The following AKAP13 variants were observed in gnomAD, a reference collection of about 807,000 sequenced individuals.
AKAP13 encodes A-kinase anchoring protein 13.
AKAP13 carries 80 observed loss-of-function variants against 264.5 expected under a neutral mutation model. The observed-to-expected ratio is 0.30, with a 90% CI of 0.25 to 0.36. AKAP13 has a LOEUF of 0.36. Ranked by LOEUF, AKAP13 falls within the 10% of genes least tolerant of loss-of-function variation. The pLI, the probability that AKAP13 is intolerant of heterozygous loss-of-function variation, is 1.00. For missense variants in AKAP13, 3,712 were observed against 3,435.2 expected, an observed-to-expected ratio of 1.08 and a Z score of -2.01; for synonymous variants, 1,380 against 1,250.2, an observed-to-expected ratio of 1.10 and a Z score of -2.19.
chr15:85,586,940 AT>A (rs1465814848), intron 8 of AKAP13, among the ~76,000 whole-genome samples: 69 of 23,714 alleles, frequency 2.9e-3, no homozygotes, highest in African/African-American at 8.7e-3. Context: ...AAAAAAAAAA[AT>A]AAGAGAATAA....
At chr15:85,484,436 G>A (rs569711174) in intron 1 of AKAP13, among the ~76,000 whole-genome samples, 8 of 152,114 alleles carry the variant, frequency 5.3e-5, no homozygotes, top group East Asian at 1.9e-4. Flanking sequence ...CTGTTATAGC[G>A]CATGGGGTGG....
intron 1 of AKAP13, among the ~76,000 whole-genome samples, chr15:85,463,894 A>C (rs546518892): frequency 1.7e-3 from 257 of 152,016 alleles, no homozygotes; most frequent in African/African-American, 5.8e-3. Context: ...GCCTTGATTG[A>C]AATTTGGAAG....
intron 1 of AKAP13, among the ~76,000 whole-genome samples, chr15:85,429,094 T>G (rs898789058): frequency 6.6e-6 from 1 of 152,234 alleles, no homozygotes; most frequent in Non-Finnish European, 1.5e-5. Context: ...AAGATCTTGT[T>G]TGACTTTTAT....
At chr15:85,577,943 T>TA (rs2079068780) in intron 6 of AKAP13, 4 of 505,810 alleles carry the variant, frequency 7.9e-6, no homozygotes, top group Non-Finnish European at 1.0e-5. Flanking sequence ...TTTTTACTTG[T>TA]ATATATGAGG....
chr15:85,387,521 C>G (rs1004008433), intron 1 of AKAP13, among the ~76,000 whole-genome samples: 16 of 152,034 alleles, frequency 1.1e-4, no homozygotes, highest in African/African-American at 3.9e-4. Flanking sequence ...GACAGAGTCT[C>G]TCTATGTTGC....
intron 1 of AKAP13, among the ~76,000 whole-genome samples, chr15:85,418,917 A>G (rs2072375507): frequency 6.6e-6 from 1 of 152,236 alleles, no homozygotes. Flanking sequence ...AGTATAGATA[A>G]TTAAATTCAG....
chr15:85,455,428 C>G (rs2074248586), intron 1 of AKAP13, among the ~76,000 whole-genome samples: 1 of 152,150 alleles, frequency 6.6e-6, no homozygotes, highest in Non-Finnish European at 1.5e-5. Flanking sequence ...CAGTGCTTCT[C>G]TAAATTCCTA....
chr15:85,498,807 T>G (rs1313119546), intron 2 of AKAP13, among the ~76,000 whole-genome samples: 1 of 152,174 alleles, frequency 6.6e-6, no homozygotes. Flanking sequence ...GCCACAGGCA[T>G]GAGCACCACT....
chr15:85,447,569 G>A (rs1212175572), intron 1 of AKAP13, among the ~76,000 whole-genome samples: 2 of 151,380 alleles, frequency 1.3e-5, no homozygotes, highest in South Asian at 2.1e-4. Context: ...CCTTCTTTGT[G>A]TTAGTAAGTT....
intron 1 of AKAP13, among the ~76,000 whole-genome samples, chr15:85,401,437 T>A (rs534355913): frequency 2.6e-5 from 4 of 152,220 alleles, no homozygotes; most frequent in Non-Finnish European, 2.9e-5. Context: ...GACCTCTGTT[T>A]TGGAAATCTT....
At chr15:85,671,457 A>G (rs28603282) in intron 14 of AKAP13, among the ~76,000 whole-genome samples, 98 of 129,170 alleles carry the variant, frequency 7.6e-4, no homozygotes, top group African/African-American at 2.2e-3. Flanking sequence ...AAAAAAAAAA[A>G]AGAGAGAGAG....
intron 1 of AKAP13, among the ~76,000 whole-genome samples, chr15:85,426,505 T>G (rs532003791): frequency 1.6e-4 from 24 of 151,426 alleles, no homozygotes; most frequent in African/African-American, 3.6e-4. Flanking sequence ...TGTTTTTTTT[T>G]GGGTTATAAC....
intron 1 of AKAP13, among the ~76,000 whole-genome samples, chr15:85,409,250 T>C (rs948344570): frequency 6.6e-6 from 1 of 151,870 alleles, no homozygotes. Flanking sequence ...CGATCTCTGC[T>C]CACTGGAACC....
intron 2 of AKAP13, among the ~76,000 whole-genome samples, chr15:85,512,179 C>G (rs150896449): frequency 1.3e-5 from 2 of 152,202 alleles, no homozygotes; most frequent in Non-Finnish European, 2.9e-5. Context: ...CTAGATGGGC[C>G]TTGTGTGAAG....
chr15:85,684,959 G>A, intron 16 of AKAP13, 86 bp downstream of exon 16: 1 of 1,435,858 alleles, frequency 7.0e-7, no homozygotes, highest in Non-Finnish European at 9.3e-7. Context: ...GTTAAATCAT[G>A]GGGACATAAA....
intron 1 of AKAP13, among the ~76,000 whole-genome samples, chr15:85,408,419 T>G (rs1262647103): frequency 1.3e-5 from 2 of 151,740 alleles, no homozygotes; most frequent in Non-Finnish European, 2.9e-5. Context: ...CACTGTCCAT[T>G]TCCATGACTC....
At chr15:85,393,812 A>G (rs942777520) in intron 1 of AKAP13, among the ~76,000 whole-genome samples, 8 of 152,116 alleles carry the variant, frequency 5.3e-5, no homozygotes, top group Non-Finnish European at 1.0e-4. Context: ...CATAAGTCAC[A>G]TTTTTTTCAC....
At chr15:85,701,966 C>G (rs2085943400) in intron 17 of AKAP13, among the ~76,000 whole-genome samples, 1 of 151,946 alleles carries the variant, frequency 6.6e-6, no homozygotes, top group African/African-American at 2.4e-5. Context: ...AGGGGGTAGG[C>G]CAGGCACGGT....
intron 4 of AKAP13, 48 bp downstream of exon 4, chr15:85,533,928 C>T (rs1201481829): frequency 4.7e-6 from 7 of 1,504,656 alleles, no homozygotes; most frequent in South Asian, 1.3e-5. Context: ...TGTGATATTT[C>T]TACTTTTTTT....
Sources: gnomAD v4.1 joint callset for allele counts (sites outside exome capture counted in the v4.1 genomes callset) on GRCh38, gnomAD v4.1.1 for gene constraint, MANE v1.5 for transcripts, NCBI Gene and HGNC (gene_info 2026-07-23, HGNC 2026-07-21) for gene names.